Variants in PPP1R13L observed in about 807,000 individuals in gnomAD.
PPP1R13L encodes relA-associated inhibitor.
PPP1R13L carries 50 observed loss-of-function variants against 80.9 expected under a neutral mutation model. The ratio of observed to expected loss-of-function variants is 0.62; its 90% CI spans 0.49 to 0.78. The LOEUF is 0.78. PPP1R13L is among the 30% of genes least tolerant of loss of function. The pLI is 0.00. For missense variants in PPP1R13L, 1,200 were observed against 1,205.9 expected (o/e 1.00, Z 0.07); for synonymous variants, 602 against 534.3 (o/e 1.13, Z -1.75).
At chr19:45,387,436 AAT>A (rs1177555190) in intron 8 of PPP1R13L, among the ~76,000 whole-genome samples, 3 of 152,178 alleles carry the variant, frequency 2.0e-5, no homozygotes, top group African/African-American at 7.2e-5. Context: ...TCAAGTTTCC[AAT>A]ATGTTGTGAT....
rs34004521 is a variant in PPP1R13L, at chr19:45,380,296, C to T, written c.2449-68G>A. The T allele has an allele frequency of 0.14, 223,553 of 1,578,786 alleles. 17,378 individuals carry two copies. Among genetic ancestry groups the T allele is most frequent in the Middle Eastern group, 0.16 (818 of 5,208 alleles). Reference sequence around the variant, plus strand: ...CCTCATCCCACATGCAAATCCGCTGCCTGTCTCTATCCTCCCACCCCTTCC... The same window carrying T: ...CCTCATCCCACATGCAAATCCGCTGTCTGTCTCTATCCTCCCACCCCTTCC... On this transcript the variant is annotated intron_variant, in intron 12 of 12. Transcript: ENST00000360957.
intron 1 of PPP1R13L, among the ~76,000 whole-genome samples, chr19:45,401,727 G>A (rs906974727): frequency 6.6e-6 from 1 of 152,014 alleles, no homozygotes. Flanking sequence ...CCTAACCCAG[G>A]GTTGCACTGC....
Position 45,389,713 on chromosome 19 carries a change from C to T in PPP1R13L, c.1815+2167G>A, listed in dbSNP as rs540256535. Among the ~76,000 whole-genome samples the T allele has an allele frequency of 4.6e-5, 7 of 152,228 alleles. No homozygotes were observed. In the East Asian group the frequency reaches 7.7e-4, roughly 17 times the overall value. On this transcript the variant is annotated intron_variant, in intron 8 of 12. Coordinates refer to ENST00000360957, the MANE Select transcript of PPP1R13L (RefSeq NM_006663.4). ...TAATCCCAGCCACTTGGGAGACTGA[C>T]GCAGGAGAATCACTTTAACCCAGGA...
chr19:45,382,623 C>G lies in PPP1R13L; in HGVS notation c.2352G>C (p.Ser784=), dbSNP rs1409950290. 3 of 1,613,772 alleles carry G rather than the reference C, an allele frequency of 1.9e-6. No individual in the cohort carries two copies. Among genetic ancestry groups the G allele is most frequent in the South Asian group, 1.1e-5 (1 of 91,084 alleles). ...GCCCGTCCCTCCGCAGCACGGTGAC[C>G]GACTCGCCCTCGCGGAAGGACAGCT... is the stretch of plus-strand genomic sequence containing the variant. The part of the protein sequence containing the change: ...GDELSFREGE[S]VTVLRRDGPE... Residue 784 remains serine (S), a synonymous_variant, in exon 12 of 13, where the codon TCG becomes TCC. Coordinates refer to ENST00000360957, the MANE Select transcript of PPP1R13L (RefSeq NM_006663.4).
Position 45,396,304 on chromosome 19 carries a change from C to T in PPP1R13L, c.811+34G>A, listed in dbSNP as rs1424749999. The T allele has an allele frequency of 5.6e-6, 9 of 1,613,676 alleles. No homozygotes were observed. Among genetic ancestry groups the T allele is most frequent in the South Asian group, 1.1e-5 (1 of 91,082 alleles). ...AGGGTCTGTGGGGCTGCCTCTCCTC[C>T]GGGTCCTCCATTCCCCGGGCCTCCA... On this transcript the variant is annotated intron_variant, in intron 5 of 12. Transcript: ENST00000360957. The surrounding 1 kb of genome is among the most constrained non-coding windows in gnomAD (Gnocchi z 5.3).
At chr19:45,389,954 C>T (rs1263591921) in intron 8 of PPP1R13L, among the ~76,000 whole-genome samples, 2 of 151,770 alleles carry the variant, frequency 1.3e-5, no homozygotes, top group African/African-American at 4.8e-5. Context: ...CCACCACCCC[C>T]AGCTAATTTT....
rs1379972099 is a variant in PPP1R13L at position 45,398,017 on chromosome 19, T to C, written c.186A>G (p.Gly62=). The change falls in exon 3 of 13, where the codon GGA becomes GGG. Residue 62 remains glycine (G), a synonymous_variant. Coordinates refer to ENST00000360957, the MANE Select transcript of PPP1R13L (RefSeq NM_006663.4). The part of the protein sequence containing the change: ...DSPAPPGPQA[G]PPSRPPRYSS... The stretch of plus-strand genomic sequence containing the variant: ...GAACCAGGCTTACCCTAGAAGGGGG[T>C]CCGGCCTGCGGGCCAGGAGGCGCGG... 6.2e-7 allele frequency: 1 copy of C among 1,611,984 alleles called. No individual in the cohort carries two copies. The highest frequency in any genetic ancestry group is 8.5e-7 in the Non-Finnish European group (1 of 1,178,638).
intron 11 of PPP1R13L, among the ~76,000 whole-genome samples, chr19:45,383,886 A>G (rs1219415541): frequency 6.6e-6 from 1 of 150,974 alleles, no homozygotes; most frequent in Non-Finnish European, 1.5e-5. Flanking sequence ...CTCAGCCTCC[A>G]AAGTAGCTGG....
intron 1 of PPP1R13L, among the ~76,000 whole-genome samples, chr19:45,403,910 GGACA>G (rs1203399379): frequency 6.6e-6 from 1 of 151,942 alleles, no homozygotes; most frequent in Non-Finnish European, 1.5e-5. Flanking sequence ...CCCGCCTCAA[GGACA>G]GACAGACACC....
At position 45,403,128 on chromosome 19, in the gene PPP1R13L, C is replaced by T. The variant is rs532410261; in HGVS notation, c.-22+1871G>A. On this transcript the variant is annotated intron_variant, in intron 1 of 12. Coordinates refer to ENST00000360957, the MANE Select transcript of PPP1R13L (RefSeq NM_006663.4). The stretch of plus-strand genomic sequence containing the variant: ...GGACCATGGGAAGAATTAATACCTT[C>T]GCCTCAAAGGGGTATGAGGATTGAG... 1.8e-4 allele frequency among the ~76,000 whole-genome samples: 28 copies of T among 152,272 alleles called. No individual in the cohort carries two copies. The South Asian group carries it at 4.6e-3, about 25-fold the overall frequency.
chr19:45,392,464 C>T (rs1297668458), intron 7 of PPP1R13L, 124 bp from the exon 8 acceptor site: 4 of 991,700 alleles, frequency 4.0e-6, no homozygotes, highest in East Asian at 2.6e-5. Flanking sequence ...AAGTTCCTTG[C>T]CCTCTCTGGG....
At position 45,395,436 on chromosome 19, in the gene PPP1R13L, C is replaced by T; in HGVS notation, c.1354G>A (p.Gly452Arg). 3.2e-6 allele frequency: 5 copies of T among 1,541,984 alleles called. No individual in the cohort carries two copies. The highest frequency in any genetic ancestry group is 4.3e-6 in the Non-Finnish European group (5 of 1,152,612). ...TCTAGGGCCCTCATTGCTGACTCAC[C>T]TTCGTTCACAGGGGGCCATGTCTGT... ...PQQTWPPVNEGPPKPPTELEP... is the reference protein window; with the variant it reads ...PQQTWPPVNERPPKPPTELEP... Residue 452 changes from glycine to arginine, a missense_variant and splice_region_variant, in exon 7 of 13, where the codon GGA becomes AGA. Gly to Arg is a moderately radical substitution (Grantham distance 125). This residue lies in a region of PPP1R13L where 764 missense variants were observed against 714.5 expected (regional missense o/e 1.07). Transcript: ENST00000360957.
rs150966859 is a variant in PPP1R13L at position 45,384,404 on chromosome 19, C to G, written c.2248+1158G>C. Among the ~76,000 whole-genome samples, 803 of 146,064 alleles carry G rather than the reference C, an allele frequency of 5.5e-3. 5 individuals are homozygous for G. The highest frequency in any genetic ancestry group is 0.017 in the African/African-American group (672 of 39,308). ...AAAAAAAGTTAGCGGGCCGTGGGGC[C>G]CTTGCCTGTAATCCCAGTTACTCGG... On this transcript the variant is annotated intron_variant, in intron 11 of 12. Transcript: ENST00000360957.
chr19:45,382,848 T>C lies in PPP1R13L; in HGVS notation c.2249-122A>G, dbSNP rs949983348. ...CTGTCCCAGCAACCACCTGAAATGT[T>C]GTGTGTGCCCATGGCTGTGGATGGG... On this transcript the variant is annotated intron_variant, in intron 11 of 12. Coordinates refer to ENST00000360957, the MANE Select transcript of PPP1R13L (RefSeq NM_006663.4). 82 of 858,866 alleles carry C rather than the reference T, an allele frequency of 9.5e-5. 1 individual carries two copies. In the South Asian group the frequency reaches 1.2e-3, roughly 13 times the overall value. The allele number at this position is 858,866 out of a possible 1,614,324, so 53.2% of individuals were successfully genotyped here. A position where few individuals can be genotyped will look rare whatever the true frequency, so the allele number is the denominator to read the frequency against.
Position 45,395,489 on chromosome 19 carries a change from GT to G in PPP1R13L, c.1300del (p.Thr434ProfsTer16), listed in dbSNP as rs1555782108. ...GGGATGCTGGGGGGCTGGGGTAGGG[GT>G]TTGGGGTTGGGTCTGGGGCTGTGGG... ...LPPQPQTQPQ[T>X]PTPAPQHPQQ... On this transcript the variant is annotated frameshift_variant, in exon 7 of 13. Coordinates refer to ENST00000360957, the MANE Select transcript of PPP1R13L (RefSeq NM_006663.4). LOFTEE classifies it high-confidence loss of function. 1 of 710,724 alleles carries G rather than the reference GT, an allele frequency of 1.4e-6. No individual in the cohort carries two copies. 44.0% of individuals were successfully genotyped at this position (710,724 alleles called of 1,614,324 possible).
chr19:45,397,468 C>CCTTCTT (rs1973130746), intron 3 of PPP1R13L, among the ~76,000 whole-genome samples: 2 of 86,614 alleles, frequency 2.3e-5, no homozygotes, highest in Non-Finnish European at 4.7e-5. Context: ...TGCTTTCTCT[C>CCTTCTT]TCTCTCTTTC....
At position 45,379,961 on chromosome 19, in the gene PPP1R13L, A is replaced by G. The variant is rs577296819; in HGVS notation, c.*229T>C. The G allele has an allele frequency of 4.3e-6, 2 of 463,368 alleles. No individual in the cohort carries two copies. Among genetic ancestry groups the G allele is most frequent in the East Asian group, 7.3e-5 (2 of 27,474 alleles). The allele number at this position is 463,368 out of a possible 1,614,324, so 28.7% of individuals were successfully genotyped here. ...CAAAAGGAAGTGGTTTCCTGTCCCC[A>G]GTGATTTCCAGCCCTTCCCAGACCT... On this transcript the variant is annotated 3_prime_UTR_variant, in exon 13 of 13. Coordinates refer to ENST00000360957, the MANE Select transcript of PPP1R13L (RefSeq NM_006663.4).
At chr19:45,402,597 G>C (rs1036028313) in intron 1 of PPP1R13L, among the ~76,000 whole-genome samples, 7 of 152,230 alleles carry the variant, frequency 4.6e-5, no homozygotes, top group Non-Finnish European at 1.0e-4. Flanking sequence ...TGTACATCCC[G>C]GGGCAAGGGA....
In PPP1R13L at chr19:45,396,286, G is replaced by A. The variant is rs772154902; in HGVS notation, c.812-27C>T. On this transcript the variant is annotated intron_variant, in intron 5 of 12. Coordinates refer to ENST00000360957, the MANE Select transcript of PPP1R13L (RefSeq NM_006663.4). The surrounding 1 kb of genome is among the most constrained non-coding windows in gnomAD (Gnocchi z 5.3). ...TGCGGGGCGGGAATCATTAGGGTCT[G>A]TGGGGCTGCCTCTCCTCCGGGTCCT... The A allele has an allele frequency of 1.9e-6, 3 of 1,613,226 alleles. No individual in the cohort carries two copies. Among genetic ancestry groups the A allele is most frequent in the East Asian group, 2.2e-5 (1 of 44,880 alleles).
Sources: gnomAD v4.1 joint callset for allele counts (sites outside exome capture counted in the v4.1 genomes callset) on GRCh38, gnomAD v4.1.1 for gene constraint, gnomAD v4.1.1 regional missense constraint, Gnocchi (gnomAD v3.1) non-coding constraint, MANE v1.5 for transcripts, NCBI Gene and HGNC (gene_info 2026-07-23, HGNC 2026-07-21) for gene names.